Variants in TAF4 observed in about 807,000 individuals in gnomAD.
TAF4 encodes transcription initiation factor TFIID subunit 4.
TAF4 carries 9 observed loss-of-function variants against 90.3 expected under a neutral mutation model. The ratio of observed to expected loss-of-function variants is 0.10; its 90% CI spans 0.06 to 0.17. The LOEUF (loss-of-function observed/expected upper bound fraction) is 0.17, where lower values mean the gene tolerates loss of function less well. Ranked by LOEUF, TAF4 falls within the 10% of genes least tolerant of loss-of-function variation. TAF4 has a pLI of 1.00. For synonymous variants in TAF4, 818 were observed against 638.9 expected (o/e 1.28, Z -4.23); for missense variants, 1,351 against 1,370.7 (o/e 0.99, Z 0.23).
chr20:62,050,619 C>T (rs545778044), intron 1 of TAF4, among the ~76,000 whole-genome samples: 171 of 152,210 alleles, frequency 1.1e-3, no homozygotes, highest in Middle Eastern at 6.8e-3. Flanking sequence ...CAAGAGAGTT[C>T]AATAAACCCA....
chr20:61,975,728 C>A lies in TAF4; in HGVS notation c.*440G>T. On this transcript the variant is annotated 3_prime_UTR_variant, in exon 15 of 15. Transcript: ENST00000252996. ...AAGGAAGATAAATAGTCTAAAAAAT[C>A]AGTTTGCTTTGCCAACTGACTATTA... 6.2e-6 allele frequency: 1 copy of A among 162,372 alleles called. No homozygotes were observed. The highest frequency in any genetic ancestry group is 1.7e-4 in the South Asian group (1 of 6,052). The allele number at this position is 162,372 out of a possible 1,614,324, so 10.1% of individuals were successfully genotyped here. A position where few individuals can be genotyped will look rare whatever the true frequency, so the allele number is the denominator to read the frequency against.
rs1303759380 is a variant in TAF4 at position 62,064,831 on chromosome 20, C to T, written c.980G>A (p.Gly327Asp). 4.7e-5 allele frequency: 46 copies of T among 972,554 alleles called. No individual in the cohort carries two copies. In the East Asian group the frequency reaches 1.2e-3, roughly 25 times the overall value. 60.2% of individuals were successfully genotyped at this position (972,554 alleles called of 1,614,324 possible). ...PAAGGPAGVS[G>D]QPGPGAAAAA... is the part of the protein sequence containing the mutation. ...AGCCGCCGCGCCGGGCCCGGGTTGG[C>T]CGCTGACCCCCGCGGGGCCCCCGGC... The change falls in exon 1 of 15, where the codon GGC becomes GAC. Residue 327 changes from glycine (G) to aspartate (D), a missense_variant. Physicochemically the swap from Gly to Asp is moderately conservative, Grantham distance 94. This residue lies in a region of TAF4 where 782 missense variants were observed against 536.6 expected (regional missense o/e 1.46). Transcript: ENST00000252996.
intron 9 of TAF4, among the ~76,000 whole-genome samples, chr20:62,001,113 C>T (rs1303000583): frequency 2.0e-5 from 3 of 152,312 alleles, no homozygotes; most frequent in East Asian, 3.9e-4. Flanking sequence ...AGAGTACGCA[C>T]AATTTTTTCC....
chr20:62,062,989 C>T (rs940203708), intron 1 of TAF4, among the ~76,000 whole-genome samples: 1 of 152,226 alleles, frequency 6.6e-6, no homozygotes, highest in Non-Finnish European at 1.5e-5. Context: ...CTTTTTACAA[C>T]GTTACTAAAG....
At chr20:61,978,737 A>G (rs2055514714) in intron 14 of TAF4, among the ~76,000 whole-genome samples, 1 of 152,062 alleles carries the variant, frequency 6.6e-6, no homozygotes, top group Admixed American at 6.5e-5. Flanking sequence ...CCAAGGCCAG[A>G]CGGTGCCTCC....
At chr20:62,003,071 G>T in intron 9 of TAF4, 89 bp downstream of exon 9, 1 of 1,129,486 alleles carries the variant, frequency 8.9e-7, no homozygotes, top group Non-Finnish European at 1.3e-6. Flanking sequence ...ACGTGGGAAA[G>T]ACCCGTGGGC....
intron 1 of TAF4, among the ~76,000 whole-genome samples, chr20:62,021,316 A>G (rs982804488): frequency 1.3e-5 from 2 of 152,266 alleles, no homozygotes; most frequent in African/African-American, 2.4e-5. Context: ...AACCCCAAGG[A>G]AACAAGGGGA....
At position 62,046,683 on chromosome 20, in the gene TAF4, CCTAA is replaced by C. The variant is rs558813332; in HGVS notation, c.1360+17764_1360+17767del. On this transcript the variant is annotated intron_variant, in intron 1 of 14. Coordinates refer to ENST00000252996, the MANE Select transcript of TAF4 (RefSeq NM_003185.4). ...TCAGTACTTAACTTTTTACGCTTCT[CCTAA>C]CTGTCAGCGTTGAGGGTCCCAGGAC... Among the ~76,000 whole-genome samples, 48 of 152,326 alleles carry C rather than the reference CCTAA, an allele frequency of 3.2e-4. No homozygotes were observed. In the South Asian group the frequency reaches 9.3e-3, roughly 30 times the overall value.
chr20:62,065,766 G>A lies in TAF4; in HGVS notation c.45C>T (p.Ser15=). 1 of 1,340,426 alleles carries A rather than the reference G, an allele frequency of 7.5e-7. No individual in the cohort carries two copies. Among genetic ancestry groups the A allele is most frequent in the Non-Finnish European group, 9.7e-7 (1 of 1,027,670 alleles). 83.0% of individuals were successfully genotyped at this position (1,340,426 alleles called of 1,614,324 possible). ...CGCTCACCACTTTCTCGTCCACCTC[G>A]CTGTTGAAGAAGACCTCGTCCAGCA... ...SDLLDEVFFN[S]EVDEKVVSDL... is the part of the protein sequence containing the mutation. Residue 15 remains serine, a synonymous_variant, in exon 1 of 15, where the codon AGC becomes AGT. Coordinates refer to ENST00000252996, the MANE Select transcript of TAF4 (RefSeq NM_003185.4).
At position 62,010,954 on chromosome 20, in the gene TAF4, A is replaced by G. The variant is rs1176787045; in HGVS notation, c.1642-789T>C. ...TTCCAATGTATAAATCTAGCAGTCA[A>G]CATTTTCTGTCTCCAATTTTTTAAA... On this transcript the variant is annotated intron_variant, in intron 3 of 14. Coordinates refer to ENST00000252996, the MANE Select transcript of TAF4 (RefSeq NM_003185.4). The surrounding 1 kb of genome is among the most constrained non-coding windows in gnomAD (Gnocchi z 4.5). 6.6e-6 allele frequency among the ~76,000 whole-genome samples: 1 copy of G among 152,236 alleles called. No individual in the cohort carries two copies. The highest frequency in any genetic ancestry group is 1.9e-4 in the East Asian group (1 of 5,194).
chr20:62,002,559 T>C (rs1045427473), intron 9 of TAF4, among the ~76,000 whole-genome samples: 2 of 152,176 alleles, frequency 1.3e-5, no homozygotes, highest in African/African-American at 4.8e-5. Flanking sequence ...GCTAAAACCA[T>C]AGCTCACTGT....
chr20:62,031,066 T>C (rs1028843317), intron 1 of TAF4, among the ~76,000 whole-genome samples: 4 of 152,238 alleles, frequency 2.6e-5, no homozygotes, highest in Admixed American at 6.5e-5. Flanking sequence ...AAGGCTTCTG[T>C]TGAAAACACT....
At position 61,976,108 on chromosome 20, in the gene TAF4, G is replaced by C; in HGVS notation, c.*60C>G. ...CTGTTTTTTAAACAATATCCCATTTGCTCGTTACAAAAAGGCGTAATCTGC... is the reference window on the plus strand; with the variant it reads ...CTGTTTTTTAAACAATATCCCATTTCCTCGTTACAAAAAGGCGTAATCTGC... On this transcript the variant is annotated 3_prime_UTR_variant, in exon 15 of 15. Coordinates refer to ENST00000252996, the MANE Select transcript of TAF4 (RefSeq NM_003185.4). 1 of 1,570,916 alleles carries C rather than the reference G, an allele frequency of 6.4e-7. No individual in the cohort carries two copies. Among genetic ancestry groups the C allele is most frequent in the East Asian group, 2.3e-5 (1 of 44,436 alleles).
At chr20:62,015,326 T>C (rs546581403) in intron 1 of TAF4, among the ~76,000 whole-genome samples, 1 of 152,384 alleles carries the variant, frequency 6.6e-6, no homozygotes, top group South Asian at 2.1e-4. Flanking sequence ...GTCATGGTTC[T>C]TGAGCTAAAC....
chr20:62,057,161 C>T (rs2056069371), intron 1 of TAF4, among the ~76,000 whole-genome samples: 1 of 152,198 alleles, frequency 6.6e-6, no homozygotes, highest in South Asian at 2.1e-4. Flanking sequence ...GAACAAGGTG[C>T]CCACCTTGCC....
chr20:62,064,416 G>A (rs2056109304), intron 1 of TAF4, 35 bp downstream of exon 1: 2 of 1,285,140 alleles, frequency 1.6e-6, no homozygotes, highest in African/African-American at 3.1e-5. Context: ...GCTGCTGGGA[G>A]CCGCCCTTCC....
At chr20:61,977,727 C>G (rs900672830) in intron 14 of TAF4, among the ~76,000 whole-genome samples, 2 of 152,340 alleles carry the variant, frequency 1.3e-5, no homozygotes, top group Non-Finnish European at 2.9e-5. Flanking sequence ...GCACTCCACA[C>G]TAGCTCATTA....
At chr20:62,027,476 C>T (rs573353677) in intron 1 of TAF4, among the ~76,000 whole-genome samples, 124 of 152,288 alleles carry the variant, frequency 8.1e-4, no homozygotes, top group African/African-American at 2.9e-3. Flanking sequence ...GGGATTAAAT[C>T]TCTTAAGTTC....
chr20:61,988,610 T>C (rs1208520843), intron 14 of TAF4, among the ~76,000 whole-genome samples: 1 of 152,218 alleles, frequency 6.6e-6, no homozygotes, highest in Non-Finnish European at 1.5e-5. Context: ...TCATCTTTGA[T>C]GAAGAAAGGT....
Sources: allele counts gnomAD v4.1 joint callset (sites outside exome capture counted in the v4.1 genomes callset), GRCh38; gene constraint gnomAD v4.1.1; regional missense constraint gnomAD v4.1.1; non-coding constraint Gnocchi (gnomAD v3.1); transcripts MANE v1.5; gene names NCBI Gene and HGNC (gene_info 2026-07-23, HGNC 2026-07-21).